The following CHSY3 variants were observed in gnomAD, a reference collection of about 807,000 sequenced individuals.
The protein encoded by CHSY3 is chondroitin sulfate synthase 3, also known as N-acetylgalactosaminyl-proteoglycan 3-beta-glucuronosyltransferase 3.
Under a neutral mutation model 67.2 loss-of-function variants are expected in CHSY3, and 35 were observed. The ratio of observed to expected loss-of-function variants is 0.52; its 90% CI spans 0.40 to 0.69. CHSY3 has a LOEUF of 0.69. Among genes scored for constraint, CHSY3 ranks in the 30% least tolerant of loss-of-function variants. The pLI is 0.00. For synonymous variants in CHSY3, 474 were observed against 434.7 expected (o/e 1.09, Z -1.12); for missense variants, 1,069 against 1,138.5 (o/e 0.94, Z 0.88).
intron 2 of CHSY3, among the ~76,000 whole-genome samples, chr5:129,921,865 C>T (rs76242367): frequency 0.022 from 3,375 of 152,064 alleles, 117 homozygotes; most frequent in African/African-American, 0.075. Context: ...GTCACTGTTT[C>T]GGTTATTTTA....
At chr5:129,965,709 T>C (rs1762451494) in intron 2 of CHSY3, among the ~76,000 whole-genome samples, 1 of 151,930 alleles carries the variant, frequency 6.6e-6, no homozygotes, top group African/African-American at 2.4e-5. Context: ...GTAATTGTCT[T>C]TTCACATTTG....
intron 2 of CHSY3, chr5:130,001,269 A>C: frequency 5.5e-6 from 1 of 182,106 alleles, no homozygotes; most frequent in Non-Finnish European, 1.0e-5. Flanking sequence ...ATTTATACTC[A>C]AGGGAAAGAA....
intron 2 of CHSY3, among the ~76,000 whole-genome samples, chr5:130,101,259 G>T (rs1269435875): frequency 6.6e-6 from 1 of 152,108 alleles, no homozygotes; most frequent in East Asian, 1.9e-4. Context: ...ATCACGATCA[G>T]TTTAATGATC....
intron 2 of CHSY3, among the ~76,000 whole-genome samples, chr5:129,945,114 C>T (rs984146289): frequency 1.3e-5 from 2 of 152,188 alleles, no homozygotes; most frequent in Non-Finnish European, 2.9e-5. Context: ...GCCATTTGTG[C>T]TTTAGTAAAA....
Position 130,060,688 on chromosome 5 carries a change from A to G in CHSY3, c.1087-123541A>G, listed in dbSNP as rs182400519. ...AAAGACTCCTCCAAAAGACTCCTAG[A>G]CTTCATAAACACATTCAGTAAAGTT... On this transcript the variant is annotated intron_variant, in intron 2 of 2. Coordinates refer to ENST00000305031, the MANE Select transcript of CHSY3 (RefSeq NM_175856.5). 7.2e-5 allele frequency among the ~76,000 whole-genome samples: 11 copies of G among 152,300 alleles called. No individual in the cohort carries two copies. The East Asian group carries it at 1.9e-3, about 27-fold the overall frequency.
chr5:130,131,472 G>T (rs79703834), intron 2 of CHSY3, among the ~76,000 whole-genome samples: 6,882 of 151,944 alleles, frequency 0.045, 430 homozygotes, highest in East Asian at 0.27. Context: ...CTTAAACTTA[G>T]CATTATTACC....
At chr5:130,138,751 GATAA>G (rs1768755918) in intron 2 of CHSY3, among the ~76,000 whole-genome samples, 1 of 152,274 alleles carries the variant, frequency 6.6e-6, no homozygotes, top group Admixed American at 6.5e-5. Context: ...CTAAAGTGGT[GATAA>G]ATTATGAGAT....
intron 2 of CHSY3, among the ~76,000 whole-genome samples, chr5:130,026,993 T>C (rs1764563287): frequency 6.6e-6 from 1 of 152,160 alleles, no homozygotes; most frequent in African/African-American, 2.4e-5. Flanking sequence ...TTCCTGTGTT[T>C]ACAGCCATCA....
intron 2 of CHSY3, among the ~76,000 whole-genome samples, chr5:129,944,120 G>T (rs4530793): frequency 1.3e-5 from 2 of 152,064 alleles, no homozygotes; most frequent in African/African-American, 2.4e-5. Flanking sequence ...CTCCTGTGGC[G>T]CTTGGCCAAG....
Position 130,122,552 on chromosome 5 carries a change from A to G in CHSY3, c.1087-61677A>G, listed in dbSNP as rs866206484. ...CAGCTTTCTAACAACACCGTCTTGA[A>G]GAAAGTGTTTGTATCACTTTGGAAG... On this transcript the variant is annotated intron_variant, in intron 2 of 2. Transcript: ENST00000305031. 2.6e-5 allele frequency among the ~76,000 whole-genome samples: 4 copies of G among 152,342 alleles called. No individual in the cohort carries two copies. The South Asian group carries it at 8.3e-4, about 32-fold the overall frequency.
chr5:129,991,588 G>T (rs1157297190), intron 2 of CHSY3, among the ~76,000 whole-genome samples: 1 of 152,124 alleles, frequency 6.6e-6, no homozygotes, highest in African/African-American at 2.4e-5. Flanking sequence ...GCTTGAGTTT[G>T]TCCTAAAGTT....
chr5:130,001,674 C>T lies in CHSY3; in HGVS notation c.1086+93314C>T, dbSNP rs139185692. ...ATGTAGAGAGTAATTTATAAGCCTG[C>T]GTCTTGACTATTCACAATTATTTCA... On this transcript the variant is annotated intron_variant, in intron 2 of 2. Transcript: ENST00000305031. 8.7e-5 allele frequency: 62 copies of T among 709,168 alleles called. No individual in the cohort carries two copies. The East Asian group carries it at 3.7e-3, about 42-fold the overall frequency. 43.9% of individuals were successfully genotyped at this position (709,168 alleles called of 1,614,324 possible). A position where few individuals can be genotyped will look rare whatever the true frequency, so the allele number is the denominator to read the frequency against.
Position 129,905,025 on chromosome 5 carries a change from C to T in CHSY3, c.196C>T (p.Pro66Ser), listed in dbSNP as rs1204041604. ...CGGCGCTCAGCAGCCGCTCCCCCAGCCCCAGTCCCGACCACGGCAGGAGCA... is the reference window on the plus strand; with the variant it reads ...CGGCGCTCAGCAGCCGCTCCCCCAGTCCCAGTCCCGACCACGGCAGGAGCA... ...RAGAQQPLPQ[P>S]QSRPRQEQSP... The change falls in exon 1 of 3, where the codon CCC (proline) becomes TCC (serine). Residue 66 changes from proline to serine, a missense_variant. Transcript: ENST00000305031. 2.6e-6 allele frequency: 4 copies of T among 1,562,718 alleles called. No homozygotes were observed. In the South Asian group the frequency reaches 4.7e-5, roughly 18 times the overall value.
intron 2 of CHSY3, among the ~76,000 whole-genome samples, chr5:130,072,062 T>G (rs1580705480): frequency 6.6e-6 from 1 of 152,090 alleles, no homozygotes; most frequent in African/African-American, 2.4e-5. Context: ...TTCATAGTAT[T>G]GAGTTTTTTT....
intron 2 of CHSY3, among the ~76,000 whole-genome samples, chr5:129,926,276 G>T (rs992476433): frequency 6.6e-6 from 1 of 151,874 alleles, no homozygotes; most frequent in Non-Finnish European, 1.5e-5. Context: ...CAAGCCCACA[G>T]GTTATTTTTG....
intron 2 of CHSY3, among the ~76,000 whole-genome samples, chr5:130,061,672 G>A (rs1765717220): frequency 6.6e-6 from 1 of 151,918 alleles, no homozygotes; most frequent in Admixed American, 6.6e-5. Context: ...AAAGACAAAT[G>A]TCCAGAATTT....
intron 2 of CHSY3, among the ~76,000 whole-genome samples, chr5:130,179,294 G>A (rs1770174918): frequency 6.6e-6 from 1 of 152,012 alleles, no homozygotes; most frequent in Admixed American, 6.6e-5. Flanking sequence ...TTCAATAACA[G>A]TTTCTTAAAT....
intron 2 of CHSY3, among the ~76,000 whole-genome samples, chr5:130,048,593 A>G (rs538950165): frequency 5.3e-5 from 8 of 152,034 alleles, no homozygotes; most frequent in Non-Finnish European, 1.2e-4. Context: ...TCGTGTATTC[A>G]GTTAGGGAAG....
At chr5:130,028,790 CTCTA>C (rs1245458913) in intron 2 of CHSY3, among the ~76,000 whole-genome samples, 7 of 151,898 alleles carry the variant, frequency 4.6e-5, no homozygotes, top group South Asian at 4.1e-4. Flanking sequence ...CATATCATTT[CTCTA>C]TCTTTTTTCT....
Sources: gnomAD v4.1 joint callset for allele counts (sites outside exome capture counted in the v4.1 genomes callset) on GRCh38, gnomAD v4.1.1 for gene constraint, MANE v1.5 for transcripts, NCBI Gene and HGNC (gene_info 2026-07-23, HGNC 2026-07-21) for gene names.